Variants in AGMO observed in about 807,000 individuals in gnomAD.
AGMO encodes the protein alkylglycerol monooxygenase, also known as glyceryl-ether monooxygenase.
In AGMO, 75 loss-of-function variants were observed where a neutral mutation model predicts 60.2. That is an observed-to-expected ratio of 1.25 (90% CI 1.03 to 1.51). AGMO has a LOEUF of 1.51. Among genes scored for constraint, AGMO ranks in the 40% most tolerant of loss-of-function variants. The probability of loss-of-function intolerance (pLI) is 0.00; values close to 1 mark genes in which losing one functional copy is unlikely to be tolerated. For synonymous variants in AGMO, 261 were observed against 177.1 expected (o/e 1.47, Z -3.76); for missense variants, 763 against 525.5 (o/e 1.45, Z -4.42).
Position 15,323,144 on chromosome 7 carries a change from T to C in AGMO, c.1263+42370A>G, listed in dbSNP as rs371368265. ...AATCCTTGGAGTAATAAGACTTCTTTATAATTTCCAATATAAAGAGATGAT... is the reference window on the plus strand; with the variant it reads ...AATCCTTGGAGTAATAAGACTTCTTCATAATTTCCAATATAAAGAGATGAT... On this transcript the variant is annotated intron_variant, in intron 12 of 12. Coordinates refer to ENST00000342526, the MANE Select transcript of AGMO (RefSeq NM_001004320.2). Among the ~76,000 whole-genome samples the C allele has an allele frequency of 1.2e-4, 18 of 152,074 alleles. 2 individuals are homozygous for C. In the South Asian group the frequency reaches 3.7e-3, roughly 32 times the overall value.
At chr7:15,332,686 C>T (rs1415996920) in intron 12 of AGMO, among the ~76,000 whole-genome samples, 1 of 151,842 alleles carries the variant, frequency 6.6e-6, no homozygotes, top group East Asian at 1.9e-4. Context: ...GTAAATGAAG[C>T]GAGAGACCCA....
At chr7:15,362,889 A>G (rs1489847990) in intron 12 of AGMO, among the ~76,000 whole-genome samples, 2 of 152,184 alleles carry the variant, frequency 1.3e-5, no homozygotes, top group Non-Finnish European at 2.9e-5. Flanking sequence ...TCATCATTAC[A>G]TGGACGAAAA....
chr7:15,179,852 G>T, the AGMO span, among the ~76,000 whole-genome samples: 2 of 152,116 alleles, frequency 1.3e-5, no homozygotes, highest in African/African-American at 4.8e-5. Context: ...CACTGCCATG[G>T]CTTTTACCTT....
chr7:15,515,064 G>A lies in AGMO; in HGVS notation c.409+29708C>T, dbSNP rs571645184. Among the ~76,000 whole-genome samples, 10 of 152,272 alleles carry A rather than the reference G, an allele frequency of 6.6e-5. No homozygotes were observed. The East Asian group carries it at 1.4e-3, about 21-fold the overall frequency. Reference sequence around the variant, plus strand: ...TCTCACCAATTGTCTGTTTAGGCACGGGAGGAAGTTAAACCCTAGAGAAGT... The same window carrying A: ...TCTCACCAATTGTCTGTTTAGGCACAGGAGGAAGTTAAACCCTAGAGAAGT... On this transcript the variant is annotated intron_variant, in intron 3 of 12. Coordinates refer to ENST00000342526, the MANE Select transcript of AGMO (RefSeq NM_001004320.2).
intron 12 of AGMO, among the ~76,000 whole-genome samples, chr7:15,357,034 G>C (rs1782560160): frequency 6.6e-6 from 1 of 150,968 alleles, no homozygotes. Flanking sequence ...TGAGGCAGGA[G>C]AATCGCTTAA....
intron 12 of AGMO, among the ~76,000 whole-genome samples, chr7:15,235,381 A>G (rs1051662625): frequency 5.9e-5 from 9 of 152,132 alleles, no homozygotes; most frequent in Non-Finnish European, 1.3e-4. Flanking sequence ...CTGAATGACT[A>G]GAGTGTTAAT....
At chr7:15,275,823 A>C (rs1277747485) in intron 12 of AGMO, among the ~76,000 whole-genome samples, 2 of 152,074 alleles carry the variant, frequency 1.3e-5, no homozygotes, top group Non-Finnish European at 2.9e-5. Flanking sequence ...TTGTTGGTTT[A>C]AAGTATGTTT....
At chr7:15,313,366 C>T (rs955024082) in intron 12 of AGMO, among the ~76,000 whole-genome samples, 4 of 152,148 alleles carry the variant, frequency 2.6e-5, no homozygotes, top group Admixed American at 6.5e-5. Context: ...GGAACTAGAA[C>T]AGAAGTTTAT....
chr7:15,336,982 C>T (rs998229526), intron 12 of AGMO, among the ~76,000 whole-genome samples: 1 of 152,296 alleles, frequency 6.6e-6, no homozygotes, highest in South Asian at 2.1e-4. Context: ...GTCAAACATT[C>T]CAGTGCCCTC....
intron 12 of AGMO, among the ~76,000 whole-genome samples, chr7:15,305,144 A>G (rs1380290986): frequency 1.3e-5 from 2 of 151,606 alleles, no homozygotes; most frequent in Non-Finnish European, 2.9e-5. Flanking sequence ...TCATCTCACC[A>G]TGGATTTTCT....
intron 12 of AGMO, among the ~76,000 whole-genome samples, chr7:15,352,138 G>C (rs1044738003): frequency 6.6e-6 from 1 of 152,130 alleles, no homozygotes; most frequent in Non-Finnish European, 1.5e-5. Context: ...CCAGTATTTA[G>C]AACCATTTCA....
chr7:15,328,086 GTCCT>G (rs1253048554), intron 12 of AGMO, among the ~76,000 whole-genome samples: 1 of 151,366 alleles, frequency 6.6e-6, no homozygotes, highest in Non-Finnish European at 1.5e-5. Context: ...AATACACTGA[GTCCT>G]TCCTTCCTTC....
chr7:15,425,872 G>A (rs1781047123), intron 4 of AGMO, among the ~76,000 whole-genome samples: 1 of 152,092 alleles, frequency 6.6e-6, no homozygotes, highest in Non-Finnish European at 1.5e-5. Context: ...CAATTTTAAA[G>A]GTGGAAAGAC....
At chr7:15,323,713 T>G (rs902289550) in intron 12 of AGMO, among the ~76,000 whole-genome samples, 3 of 152,218 alleles carry the variant, frequency 2.0e-5, no homozygotes, top group Admixed American at 6.5e-5. Context: ...TGGAAAAGAC[T>G]GCCTCCTGAC....
chr7:15,294,584 C>T (rs901286393), intron 12 of AGMO, among the ~76,000 whole-genome samples: 6 of 151,584 alleles, frequency 4.0e-5, no homozygotes, highest in African/African-American at 7.3e-5. Flanking sequence ...AATAATACTA[C>T]AAAATATTTT....
intron 3 of AGMO, among the ~76,000 whole-genome samples, chr7:15,463,812 G>A (rs1022774588): frequency 6.6e-6 from 1 of 152,138 alleles, no homozygotes; most frequent in East Asian, 1.9e-4. Flanking sequence ...CAGTTTGAAT[G>A]TTTGGTTGTA....
At chr7:15,349,990 G>C (rs1336580346) in intron 12 of AGMO, among the ~76,000 whole-genome samples, 1 of 152,044 alleles carries the variant, frequency 6.6e-6, no homozygotes, top group Non-Finnish European at 1.5e-5. Context: ...TGAACAAATG[G>C]TAACTATTTA....
chr7:15,320,305 AT>A (rs1370514855), intron 12 of AGMO, among the ~76,000 whole-genome samples: 2 of 152,038 alleles, frequency 1.3e-5, no homozygotes, highest in African/African-American at 4.8e-5. Flanking sequence ...AATATAATGT[AT>A]CCTAATGCAA....
chr7:15,372,114 T>C (rs530727446), intron 10 of AGMO, among the ~76,000 whole-genome samples: 13 of 151,414 alleles, frequency 8.6e-5, no homozygotes, highest in Non-Finnish European at 1.9e-4. Context: ...TATAGTATCC[T>C]TTGATAGACT....
Sources: gnomAD v4.1 joint callset for allele counts (sites outside exome capture counted in the v4.1 genomes callset) on GRCh38, gnomAD v4.1.1 for gene constraint, MANE v1.5 for transcripts, NCBI Gene and HGNC (gene_info 2026-07-23, HGNC 2026-07-21) for gene names.